The following EFCAB6 variants were observed in gnomAD, a reference collection of about 807,000 sequenced individuals.
EFCAB6 encodes the protein EF-hand calcium-binding domain-containing protein 6.
In EFCAB6, 156 loss-of-function variants were observed where a neutral mutation model predicts 169.8. The ratio of observed to expected loss-of-function variants is 0.92; its 90% CI spans 0.81 to 1.05. The LOEUF (loss-of-function observed/expected upper bound fraction) is 1.05, where lower values mean the gene tolerates loss of function less well. Ranked by LOEUF, EFCAB6 falls within the 50% of genes least tolerant of loss-of-function variation. The probability of loss-of-function intolerance (pLI) is 0.00; values close to 1 mark genes in which losing one functional copy is unlikely to be tolerated. For missense variants in EFCAB6, 1,800 were observed against 1,829.1 expected (o/e 0.98, Z 0.29); for synonymous variants, 698 against 676.4 (o/e 1.03, Z -0.50).
chr22:43,749,077 G>C (rs2060665221), intron 6 of EFCAB6, among the ~76,000 whole-genome samples: 1 of 152,208 alleles, frequency 6.6e-6, no homozygotes, highest in South Asian at 2.1e-4. Flanking sequence ...GGATGGATCA[G>C]AAGTGTCCGG....
At chr22:43,675,555 A>C (rs1396231035) in intron 13 of EFCAB6, among the ~76,000 whole-genome samples, 1 of 144,738 alleles carries the variant, frequency 6.9e-6, no homozygotes, top group Non-Finnish European at 1.5e-5. Context: ...ACAAATGTCT[A>C]TATATATCCA....
chr22:43,576,255 C>T, intron 26 of EFCAB6, 42 bp downstream of exon 26: 2 of 1,522,006 alleles, frequency 1.3e-6, no homozygotes, highest in East Asian at 4.8e-5. Context: ...CTAATTTTAG[C>T]TCATTTTCAA....
intron 1 of EFCAB6, among the ~76,000 whole-genome samples, chr22:43,811,030 T>C (rs1397988872): frequency 6.6e-6 from 1 of 151,986 alleles, no homozygotes; most frequent in Non-Finnish European, 1.5e-5. Flanking sequence ...GGAACACATA[T>C]TAAATTAGGC....
At chr22:43,734,060 CTG>C (rs1490084671) in intron 7 of EFCAB6, among the ~76,000 whole-genome samples, 3 of 152,118 alleles carry the variant, frequency 2.0e-5, no homozygotes, top group Non-Finnish European at 4.4e-5. Context: ...AGGAGCTACT[CTG>C]AGGCCCTAGA....
chr22:43,628,199 C>G lies in EFCAB6; in HGVS notation c.2233-1520G>C, dbSNP rs2054660787. Among the ~76,000 whole-genome samples the G allele has an allele frequency of 6.6e-6, 1 of 152,150 alleles. No individual in the cohort carries two copies. The highest frequency in any genetic ancestry group is 1.5e-5 in the Non-Finnish European group (1 of 68,016). ...CTCCACCCCCTGTCCCCACCCTACT[C>G]CTCCTAAGTCTTCCCATCTCAGTAA... On this transcript the variant is annotated intron_variant, in intron 19 of 31. Transcript: ENST00000262726. The surrounding 1 kb of genome is among the most constrained non-coding windows in gnomAD (Gnocchi z 4.8).
At chr22:43,651,986 C>T (rs2056494700) in intron 17 of EFCAB6, among the ~76,000 whole-genome samples, 1 of 152,184 alleles carries the variant, frequency 6.6e-6, no homozygotes, top group Non-Finnish European at 1.5e-5. Flanking sequence ...AGGGACTTGC[C>T]TTGTCTTGGA....
intron 24 of EFCAB6, among the ~76,000 whole-genome samples, chr22:43,588,890 T>G (rs906573642): frequency 6.6e-6 from 1 of 152,156 alleles, no homozygotes. Flanking sequence ...ACAGCAAATG[T>G]AGATCTAGAA....
intron 3 of EFCAB6, among the ~76,000 whole-genome samples, chr22:43,781,183 A>G (rs1207576217): frequency 6.6e-6 from 1 of 152,236 alleles, no homozygotes; most frequent in East Asian, 1.9e-4. Flanking sequence ...GGAAAATAAT[A>G]ACGTCAAATT....
intron 2 of EFCAB6, among the ~76,000 whole-genome samples, chr22:43,807,599 A>C (rs2062964907): frequency 6.6e-6 from 1 of 152,240 alleles, no homozygotes; most frequent in Non-Finnish European, 1.5e-5. Context: ...AGAAAACATA[A>C]TTCAACACAA....
At chr22:43,534,598 G>A (rs1298947014) in intron 30 of EFCAB6, 90 bp downstream of exon 30, 2 of 1,232,286 alleles carry the variant, frequency 1.6e-6, no homozygotes, top group Non-Finnish European at 2.2e-6. Context: ...TCCAGTCTGG[G>A]CAATAGAGTA....
chr22:43,677,501 C>A (rs1337929686), intron 13 of EFCAB6, among the ~76,000 whole-genome samples: 1 of 151,986 alleles, frequency 6.6e-6, no homozygotes. Context: ...CAAAAATTAC[C>A]CGGGCGTAGC....
At chr22:43,683,613 A>G (rs1241871564) in intron 12 of EFCAB6, 134 bp downstream of exon 12, 3 of 689,962 alleles carry the variant, frequency 4.3e-6, no homozygotes, top group East Asian at 2.6e-5. Flanking sequence ...AATTCCCAGC[A>G]TGTAACGGGG....
intron 15 of EFCAB6, among the ~76,000 whole-genome samples, chr22:43,670,517 C>CTTAA (rs1318406239): frequency 2.2e-4 from 33 of 152,200 alleles, no homozygotes; most frequent in Non-Finnish European, 1.2e-4. Context: ...TGTATATGTG[C>CTTAA]TTAATAAATC....
chr22:43,738,139 C>T (rs2060227971), intron 6 of EFCAB6, among the ~76,000 whole-genome samples: 4 of 150,606 alleles, frequency 2.7e-5, no homozygotes, highest in African/African-American at 9.8e-5. Context: ...CACACCTGTG[C>T]ATATACTCAC....
chr22:43,620,868 T>TA (rs2147779185), intron 20 of EFCAB6, among the ~76,000 whole-genome samples: 1 of 152,226 alleles, frequency 6.6e-6, no homozygotes, highest in South Asian at 2.1e-4. Context: ...ACAACACTAA[T>TA]AACCAACTTG....
At chr22:43,579,527 TAGGCATCATTCCGTACACGC>T (rs1211118324) in intron 25 of EFCAB6, among the ~76,000 whole-genome samples, 3 of 108,686 alleles carry the variant, frequency 2.8e-5, no homozygotes, top group Non-Finnish European at 5.6e-5. Context: ...TCCATACACA[TAGGCATCATTCCGTACACGC>T]AGGCATCATT....
intron 2 of EFCAB6, among the ~76,000 whole-genome samples, chr22:43,801,756 T>C (rs1425746107): frequency 6.6e-6 from 1 of 152,100 alleles, no homozygotes; most frequent in Non-Finnish European, 1.5e-5. Context: ...GACTAAAACA[T>C]ATTACCAGAG....
intron 20 of EFCAB6, among the ~76,000 whole-genome samples, chr22:43,617,169 C>T (rs1038174950): frequency 2.9e-4 from 44 of 152,214 alleles, no homozygotes; most frequent in African/African-American, 1.1e-3. Context: ...GACTACTTGA[C>T]CATGCAAGCT....
Position 43,635,206 on chromosome 22 carries a change from T to C in EFCAB6, c.1994A>G (p.Asp665Gly), listed in dbSNP as rs1467635965. The C allele has an allele frequency of 6.2e-7, 1 of 1,614,002 alleles. No individual in the cohort carries two copies. The change falls in exon 18 of 32, where the codon GAC (aspartate) becomes GGC (glycine). Residue 665 changes from aspartate to glycine, a missense_variant. Physicochemically the swap from Asp to Gly is moderately conservative, Grantham distance 94 (BLOSUM62 -1). Coordinates refer to ENST00000262726, the MANE Select transcript of EFCAB6 (RefSeq NM_022785.4). Reference protein sequence around the residue: ...NVHDFKKVLEDTGMPMDDDQY... With the variant: ...NVHDFKKVLEGTGMPMDDDQY... ...ATCATCGTCCATGGGCATCCCAGTG[T>C]CTTCCAGTACCTGACGAGGGAGACA...
Sources: allele counts gnomAD v4.1 joint callset (sites outside exome capture counted in the v4.1 genomes callset), GRCh38; gene constraint gnomAD v4.1.1; non-coding constraint Gnocchi (gnomAD v3.1); transcripts MANE v1.5; gene names NCBI Gene and HGNC (gene_info 2026-07-23, HGNC 2026-07-21).